The following DPP9 variants were observed in gnomAD, a reference collection of about 807,000 sequenced individuals.
The protein encoded by DPP9 is dipeptidyl peptidase 9.
DPP9 carries 50 observed loss-of-function variants against 110.7 expected under a neutral mutation model. That is an observed-to-expected ratio of 0.45 (90% CI 0.36 to 0.57). The LOEUF is 0.57. DPP9 is among the 20% of genes least tolerant of loss of function. The probability of loss-of-function intolerance (pLI) is 0.00; values close to 1 mark genes in which losing one functional copy is unlikely to be tolerated. For synonymous variants in DPP9, 561 were observed against 514.4 expected (o/e 1.09, Z -1.23); for missense variants, 1,022 against 1,217.9 (o/e 0.84, Z 2.39).
In DPP9 at chr19:4,694,473, A is replaced by G. The variant is rs1225664435; in HGVS notation, c.1516+188T>C. On this transcript the variant is annotated intron_variant, in intron 13 of 21. Coordinates refer to ENST00000262960, the MANE Select transcript of DPP9 (RefSeq NM_139159.5). The surrounding 1 kb of genome is among the most constrained non-coding windows in gnomAD (Gnocchi z 4.0). ...AGTAAATCTGCTGCCTGAATAAGCC[A>G]ACAGTTGGGTGCTCTAAGCCCTGCC... The G allele has an allele frequency of 4.2e-6, 3 of 720,866 alleles. No homozygotes were observed. In the African/African-American group the frequency reaches 5.4e-5, roughly 13 times the overall value. 44.7% of individuals were successfully genotyped at this position (720,866 alleles called of 1,614,324 possible).
intron 5 of DPP9, 60 bp downstream of exon 5, chr19:4,705,798 G>A: frequency 6.5e-7 from 1 of 1,530,616 alleles, no homozygotes; most frequent in South Asian, 1.1e-5. Flanking sequence ...ATGGCCTGTG[G>A]GGCTGGCCTT....
chr19:4,721,267 A>G (rs1252212322), intron 2 of DPP9, among the ~76,000 whole-genome samples: 2 of 152,234 alleles, frequency 1.3e-5, no homozygotes, highest in African/African-American at 4.8e-5. Context: ...CCTCACGGGA[A>G]TATCAGTTCC....
chr19:4,691,609 G>A (rs926120930), intron 13 of DPP9, among the ~76,000 whole-genome samples: 1 of 151,928 alleles, frequency 6.6e-6, no homozygotes, highest in Non-Finnish European at 1.5e-5. Context: ...CGGGGAGTGT[G>A]GGGGAGGAGC....
intron 4 of DPP9, among the ~76,000 whole-genome samples, chr19:4,707,939 A>G (rs2092666894): frequency 6.6e-6 from 1 of 151,970 alleles, no homozygotes; most frequent in African/African-American, 2.4e-5. Context: ...GCTTGCTTTT[A>G]AGAGGAGAAC....
At chr19:4,688,470 T>G (rs1035868063) in intron 16 of DPP9, 2 of 361,930 alleles carry the variant, frequency 5.5e-6, no homozygotes, top group African/African-American at 2.1e-5. Flanking sequence ...AGGGTCTGTG[T>G]CTCACTGGTT....
rs1006536039 is a variant in DPP9 at position 4,676,893 on chromosome 19, A to G, written c.2587-237T>C. ...GAGGATTTGGTAAGACAAAGTTTACAAAACGCCTTGCGGTGTGCACGCGCT... is the reference window on the plus strand; with the variant it reads ...GAGGATTTGGTAAGACAAAGTTTACGAAACGCCTTGCGGTGTGCACGCGCT... On this transcript the variant is annotated intron_variant, in intron 21 of 21. Transcript: ENST00000262960. This position sits in a 1 kb window ranked among gnomAD's most constrained non-coding sequence, Gnocchi z 4.0. Among the ~76,000 whole-genome samples, 9 of 152,204 alleles carry G rather than the reference A, an allele frequency of 5.9e-5. No homozygotes were observed. Among genetic ancestry groups the G allele is most frequent in the African/African-American group, 2.2e-4 (9 of 41,456 alleles).
In DPP9 at chr19:4,684,963, G is replaced by C. The variant is rs2090470150; in HGVS notation, c.2032-154C>G. ...CCGGAGGCTCTGGATGGACACCTGG[G>C]AGTGGCAAGGCGGGAGGGGCCCATA... is the stretch of plus-strand genomic sequence containing the variant. On this transcript the variant is annotated intron_variant, in intron 17 of 21. Transcript: ENST00000262960. The surrounding 1 kb of genome is among the most constrained non-coding windows in gnomAD (Gnocchi z 4.8). The C allele has an allele frequency of 1.0e-6, 1 of 962,690 alleles. No homozygotes were observed. Among genetic ancestry groups the C allele is most frequent in the South Asian group, 1.4e-5 (1 of 71,826 alleles). The allele number at this position is 962,690 out of a possible 1,614,324, so 59.6% of individuals were successfully genotyped here.
chr19:4,696,552 A>G (rs963637518), intron 11 of DPP9, among the ~76,000 whole-genome samples: 5 of 152,058 alleles, frequency 3.3e-5, no homozygotes, highest in African/African-American at 1.2e-4. Context: ...CAAGGTCACG[A>G]GTTTGAGACT....
chr19:4,690,268 G>A (rs1037893818), intron 14 of DPP9, among the ~76,000 whole-genome samples: 13 of 152,218 alleles, frequency 8.5e-5, no homozygotes, highest in Admixed American at 5.9e-4. Flanking sequence ...TAATGGTCTC[G>A]AAACAACTGC....
intron 3 of DPP9, among the ~76,000 whole-genome samples, chr19:4,714,783 T>A (rs2092997393): frequency 6.6e-6 from 1 of 151,700 alleles, no homozygotes; most frequent in Non-Finnish European, 1.5e-5. Flanking sequence ...TTTTCCACAG[T>A]CCCCGGGATA....
chr19:4,715,307 G>A (rs1347918294), intron 3 of DPP9, among the ~76,000 whole-genome samples: 2 of 152,270 alleles, frequency 1.3e-5, no homozygotes. Context: ...ACAGGCATGA[G>A]CCACTGCACC....
intron 21 of DPP9, among the ~76,000 whole-genome samples, chr19:4,678,626 G>A (rs970306452): frequency 3.9e-5 from 6 of 152,060 alleles, no homozygotes; most frequent in Non-Finnish European, 7.4e-5. Flanking sequence ...GGGCTGCTTG[G>A]GATGTGGGGT....
intron 4 of DPP9, among the ~76,000 whole-genome samples, chr19:4,709,601 A>C (rs1165381278): frequency 1.3e-5 from 2 of 152,132 alleles, no homozygotes; most frequent in Non-Finnish European, 2.9e-5. Flanking sequence ...AAGCCAATCC[A>C]CAGAGACAGG....
chr19:4,714,436 A>G (rs560749078), intron 3 of DPP9, 99 bp from the exon 4 acceptor site: 29 of 1,408,596 alleles, frequency 2.1e-5, no homozygotes, highest in Non-Finnish European at 2.6e-5. Flanking sequence ...CTTCCAGACG[A>G]GCCCCACCCC....
intron 2 of DPP9, among the ~76,000 whole-genome samples, chr19:4,721,540 G>C (rs184095221): frequency 1.3e-4 from 20 of 152,342 alleles, no homozygotes; most frequent in African/African-American, 1.9e-4. Context: ...CAGCACTTTG[G>C]GGGGCTGAGG....
intron 1 of DPP9, among the ~76,000 whole-genome samples, chr19:4,723,295 G>C (rs1203148861): frequency 6.6e-6 from 1 of 152,128 alleles, no homozygotes; most frequent in Non-Finnish European, 1.5e-5. Context: ...GGGACCTCCA[G>C]AGCCTGCACG....
In DPP9 at chr19:4,718,972, G is replaced by A. The variant is rs2093198260; in HGVS notation, c.56+879C>T. 6.6e-6 allele frequency among the ~76,000 whole-genome samples: 1 copy of A among 152,034 alleles called. No homozygotes were observed. Among genetic ancestry groups the A allele is most frequent in the East Asian group, 1.9e-4 (1 of 5,182 alleles). The stretch of plus-strand genomic sequence containing the variant: ...TGGAGTTTACTGACTGCCCCGGGGG[G>A]TGCGTGTCTAACCACATTCCATCCA... On this transcript the variant is annotated intron_variant, in intron 3 of 21. Transcript: ENST00000262960. This position sits in a 1 kb window ranked among gnomAD's most constrained non-coding sequence, Gnocchi z 4.3.
At chr19:4,720,230 A>G (rs1365105990) in intron 2 of DPP9, among the ~76,000 whole-genome samples, 1 of 152,180 alleles carries the variant, frequency 6.6e-6, no homozygotes, top group Admixed American at 6.5e-5. Context: ...ACACCAGGGC[A>G]CCTGCTGGAA....
intron 4 of DPP9, among the ~76,000 whole-genome samples, chr19:4,709,759 A>G (rs2092745679): frequency 6.6e-6 from 1 of 152,056 alleles, no homozygotes; most frequent in Non-Finnish European, 1.5e-5. Context: ...CACACCTTCA[A>G]AAGTGAAACT....
Sources: gnomAD v4.1 joint callset for allele counts (sites outside exome capture counted in the v4.1 genomes callset) on GRCh38, gnomAD v4.1.1 for gene constraint, Gnocchi (gnomAD v3.1) non-coding constraint, MANE v1.5 for transcripts, NCBI Gene and HGNC (gene_info 2026-07-23, HGNC 2026-07-21) for gene names.